RTN4: variants seen among roughly 807,000 people sequenced by gnomAD.
RTN4 encodes reticulon 4.
In RTN4, 32 loss-of-function variants were observed where a neutral mutation model predicts 90.4. That is an observed-to-expected ratio of 0.35 (90% confidence interval 0.27 to 0.48). The LOEUF (loss-of-function observed/expected upper bound fraction) is 0.48. Ranked by LOEUF, RTN4 falls within the 20% of genes least tolerant of loss-of-function variation. RTN4 has a pLI of 0.99. For missense variants in RTN4, 1,706 were observed against 1,430.2 expected (o/e 1.19, Z -3.11); for synonymous variants, 629 against 552.5 (o/e 1.14, Z -1.94).
chr2:55,033,628 G>A (rs1185382367), intron 1 of RTN4, among the ~76,000 whole-genome samples: 1 of 152,110 alleles, frequency 6.6e-6, no homozygotes, highest in Non-Finnish European at 1.5e-5. Context: ...GCTATGATGT[G>A]CCTTACAGAG....
At chr2:55,121,221 C>T in the RTN4 span, among the ~76,000 whole-genome samples, 12 of 152,336 alleles carry the variant, frequency 7.9e-5, no homozygotes, top group Admixed American at 3.9e-4. Flanking sequence ...CAGTCCCGAT[C>T]CCTGCTCTCA....
chr2:55,045,731 T>A (rs1683376241), intron 1 of RTN4, among the ~76,000 whole-genome samples: 1 of 152,240 alleles, frequency 6.6e-6, no homozygotes, highest in Admixed American at 6.5e-5. Flanking sequence ...TGGATTAAAG[T>A]GGAATGATAA....
At chr2:54,974,424 C>T (rs1194076995) in intron 6 of RTN4, among the ~76,000 whole-genome samples, 4 of 152,206 alleles carry the variant, frequency 2.6e-5, no homozygotes, top group African/African-American at 4.8e-5. Context: ...GGATTACAGG[C>T]GTGCGCCACC....
At chr2:54,974,886 A>G in intron 5 of RTN4, 122 bp from the exon 6 acceptor site, 3 of 734,628 alleles carry the variant, frequency 4.1e-6, no homozygotes, top group Non-Finnish European at 4.8e-6. Context: ...AAGACTGGGT[A>G]AAGTACCATG....
chr2:55,070,773 G>T (rs80098036), intron 2 of RTN4, among the ~76,000 whole-genome samples: 12 of 89,294 alleles, frequency 1.3e-4, no homozygotes, highest in African/African-American at 4.3e-4. Flanking sequence ...GTTGTTGTTT[G>T]TTTTTTTGTT....
At chr2:55,016,801 G>GA in intron 3 of RTN4, among the ~76,000 whole-genome samples, 1 of 152,096 alleles carries the variant, frequency 6.6e-6, no homozygotes, top group South Asian at 2.1e-4. Flanking sequence ...CAAGTCCTTA[G>GA]AAAAAATCCT....
rs559033480 is a variant in RTN4 at position 55,057,768 on chromosome 2, G to A, written c.-63+22721C>T. On this transcript the variant is annotated intron_variant, in intron 2 of 3. Coordinates refer to the RTN4 transcript ENST00000427710. Reference sequence around the variant, plus strand: ...GGGAGGCCAAAGCAGAGGCTTGCTTGAGGCCAGTAGTTTGAGAACAGCCTG... The same window carrying A: ...GGGAGGCCAAAGCAGAGGCTTGCTTAAGGCCAGTAGTTTGAGAACAGCCTG... Among the ~76,000 whole-genome samples, 4 of 152,256 alleles carry A rather than the reference G, an allele frequency of 2.6e-5. No individual in the cohort carries two copies. In the South Asian group the frequency reaches 8.3e-4, roughly 32 times the overall value.
the RTN4 span, among the ~76,000 whole-genome samples, chr2:55,133,802 A>C: frequency 6.6e-6 from 1 of 152,154 alleles, no homozygotes; most frequent in Non-Finnish European, 1.5e-5. Flanking sequence ...CACAGGGTGA[A>C]CCCCAAAATT....
At chr2:55,041,032 A>T in intron 1 of RTN4, among the ~76,000 whole-genome samples, 1 of 151,630 alleles carries the variant, frequency 6.6e-6, no homozygotes. Flanking sequence ...TGGCAGCTAT[A>T]GCTCCTAATA....
chr2:55,026,596 C>T lies in RTN4; in HGVS notation c.1503G>A (p.Lys501=), dbSNP rs777821923. The part of the protein sequence containing the change: ...KTDEKKIEEK[K]AQIVTEKNTS... ...TATTCTTCTCTGTTACTATTTGGGC[C>T]TTCTTTTCTTCTATTTTTTTTTCAT... is the stretch of plus-strand genomic sequence containing the variant. Residue 501 remains lysine, a synonymous_variant, in exon 3 of 9, where the codon AAG becomes AAA. Transcript: ENST00000337526. The T allele has an allele frequency of 6.2e-7, 1 of 1,611,894 alleles. No homozygotes were observed. Among genetic ancestry groups the T allele is most frequent in the Non-Finnish European group, 8.5e-7 (1 of 1,179,688 alleles).
intron 2 of RTN4, among the ~76,000 whole-genome samples, chr2:55,058,627 T>G (rs1488059217): frequency 6.6e-6 from 1 of 152,172 alleles, no homozygotes; most frequent in East Asian, 1.9e-4. Flanking sequence ...TTTCATTCTC[T>G]CTTGGTGATT....
At chr2:54,978,380 A>G (rs189922011) in intron 5 of RTN4, among the ~76,000 whole-genome samples, 1 of 150,660 alleles carries the variant, frequency 6.6e-6, no homozygotes, top group African/African-American at 2.5e-5. Flanking sequence ...CAGTGAGCCT[A>G]AGATCGCACC....
intron 5 of RTN4, among the ~76,000 whole-genome samples, chr2:54,979,485 A>T (rs943787851): frequency 6.6e-6 from 1 of 152,160 alleles, no homozygotes; most frequent in African/African-American, 2.4e-5. Context: ...AAGCAAAGTG[A>T]TTTTTATCAG....
intron 3 of RTN4, among the ~76,000 whole-genome samples, chr2:55,022,423 C>T (rs1433056015): frequency 1.3e-5 from 2 of 152,142 alleles, no homozygotes; most frequent in Non-Finnish European, 2.9e-5. Context: ...TCACTAAAAC[C>T]TGGCTGTTCC....
chr2:55,029,608 T>G (rs992683515), intron 1 of RTN4, among the ~76,000 whole-genome samples: 7 of 152,214 alleles, frequency 4.6e-5, no homozygotes, highest in African/African-American at 1.7e-4. Context: ...TACGGACTTG[T>G]CTTCCAAGCA....
At chr2:54,984,843 T>C (rs940848750) in intron 4 of RTN4, among the ~76,000 whole-genome samples, 1 of 152,222 alleles carries the variant, frequency 6.6e-6, no homozygotes, top group Non-Finnish European at 1.5e-5. Context: ...CAGTGGTGCA[T>C]GCCTGTAGTC....
chr2:55,016,614 T>C (rs1023408170), intron 3 of RTN4, among the ~76,000 whole-genome samples: 7 of 152,050 alleles, frequency 4.6e-5, no homozygotes, highest in African/African-American at 1.4e-4. Flanking sequence ...CACATGTGCA[T>C]TGAAAGTAGA....
intron 3 of RTN4, among the ~76,000 whole-genome samples, chr2:55,009,077 T>C (rs1445293618): frequency 1.3e-5 from 2 of 152,160 alleles, no homozygotes; most frequent in South Asian, 2.1e-4. Flanking sequence ...TCCCCACATC[T>C]TTATTGAACA....
In RTN4 at chr2:55,027,491, A is replaced by G. The variant is rs1193833049; in HGVS notation, c.614-6T>C. ...CTCCTTCAAGTCCATATTTTCTGTG[A>G]CCATGGACAGAAAGGAAAGTTAGAG... On this transcript the variant is annotated splice_polypyrimidine_tract_variant and splice_region_variant and intron_variant, in intron 2 of 8. Coordinates refer to ENST00000337526, the MANE Select transcript of RTN4 (RefSeq NM_020532.5). The G allele has an allele frequency of 1.9e-6, 3 of 1,585,160 alleles. No individual in the cohort carries two copies. The highest frequency in any genetic ancestry group is 2.6e-6 in the Non-Finnish European group (3 of 1,167,818).
Sources: gnomAD v4.1 joint callset for allele counts (sites outside exome capture counted in the v4.1 genomes callset) on GRCh38, gnomAD v4.1.1 for gene constraint, MANE v1.5 for transcripts, NCBI Gene and HGNC (gene_info 2026-07-23, HGNC 2026-07-21) for gene names.